The following GRID2 variants were observed in gnomAD, a reference collection of about 807,000 sequenced individuals.
GRID2 encodes glutamate ionotropic receptor delta type subunit 2.
In GRID2, 33 loss-of-function variants were observed where a neutral mutation model predicts 114.8. The ratio of observed to expected loss-of-function variants is 0.29; its 90% CI spans 0.22 to 0.38. The LOEUF (loss-of-function observed/expected upper bound fraction) is 0.38. Among genes scored for constraint, GRID2 ranks in the 10% least tolerant of loss-of-function variants. The pLI is 1.00. For synonymous variants in GRID2, 505 were observed against 449.9 expected, an observed-to-expected ratio of 1.12 and a Z score of -1.55; for missense variants, 1,184 against 1,257.7, an observed-to-expected ratio of 0.94 and a Z score of 0.89.
intron 8 of GRID2, among the ~76,000 whole-genome samples, chr4:93,375,500 C>G (rs192063673): frequency 6.6e-6 from 1 of 152,004 alleles, no homozygotes; most frequent in Non-Finnish European, 1.5e-5. Flanking sequence ...TGTGAGCCAC[C>G]GCGCCTGGCC....
intron 2 of GRID2, among the ~76,000 whole-genome samples, chr4:92,682,148 A>T (rs972187730): frequency 6.6e-6 from 1 of 152,114 alleles, no homozygotes; most frequent in Admixed American, 6.6e-5. Context: ...AGATAGAATC[A>T]TTTTAAGGGA....
chr4:93,516,295 G>A (rs1560704161), intron 13 of GRID2, among the ~76,000 whole-genome samples: 1 of 152,056 alleles, frequency 6.6e-6, no homozygotes, highest in African/African-American at 2.4e-5. Context: ...ATATTTTGAT[G>A]ACTATAAAAA....
intron 9 of GRID2, among the ~76,000 whole-genome samples, chr4:93,404,070 T>G (rs975476263): frequency 6.6e-6 from 1 of 152,098 alleles, no homozygotes; most frequent in Non-Finnish European, 1.5e-5. Flanking sequence ...TTGATAACAG[T>G]GTGCAGCATG....
At chr4:92,459,196 T>C (rs1721358277) in intron 1 of GRID2, among the ~76,000 whole-genome samples, 1 of 152,178 alleles carries the variant, frequency 6.6e-6, no homozygotes, top group African/African-American at 2.4e-5. Flanking sequence ...AGTATGAAGA[T>C]CATTGTGATG....
At chr4:92,997,359 C>T (rs774250383) in intron 2 of GRID2, among the ~76,000 whole-genome samples, 1 of 152,152 alleles carries the variant, frequency 6.6e-6, no homozygotes, top group Non-Finnish European at 1.5e-5. Flanking sequence ...CTAAGACTCT[C>T]TCTAAGTCTG....
At chr4:93,736,897 A>G (rs2110240416) in intron 14 of GRID2, among the ~76,000 whole-genome samples, 1 of 151,950 alleles carries the variant, frequency 6.6e-6, no homozygotes, top group African/African-American at 2.4e-5. Flanking sequence ...AATGAGCCCA[A>G]AACCTGAGGT....
At chr4:93,183,544 A>C (rs1355289696) in intron 4 of GRID2, among the ~76,000 whole-genome samples, 1 of 152,202 alleles carries the variant, frequency 6.6e-6, no homozygotes, top group Non-Finnish European at 1.5e-5. Context: ...CAACTGATAC[A>C]TTCATTCAAA....
chr4:92,541,795 A>T (rs1725976653), intron 1 of GRID2, among the ~76,000 whole-genome samples: 1 of 152,124 alleles, frequency 6.6e-6, no homozygotes, highest in African/African-American at 2.4e-5. Context: ...TGGAAAAAAA[A>T]AATCTTAATT....
At chr4:93,536,852 G>A (rs1012072809) in intron 13 of GRID2, among the ~76,000 whole-genome samples, 2 of 151,558 alleles carry the variant, frequency 1.3e-5, no homozygotes, top group Non-Finnish European at 3.0e-5. Flanking sequence ...AAAGTTTTTT[G>A]ATAAAATTTT....
At position 93,661,866 on chromosome 4, in the gene GRID2, A is replaced by G. The variant is rs143004073; in HGVS notation, c.2360+35431A>G. On this transcript the variant is annotated intron_variant, in intron 14 of 15. Coordinates refer to ENST00000282020, the MANE Select transcript of GRID2 (RefSeq NM_001510.4). ...GTTCTTATTATATAAACCGTAAGTG[A>G]GATCATGGCTCGGTTCTCCTCAGAG... Among the ~76,000 whole-genome samples, 18 of 152,292 alleles carry G rather than the reference A, an allele frequency of 1.2e-4. No individual in the cohort carries two copies. In the East Asian group the frequency reaches 3.3e-3, roughly 28 times the overall value.
chr4:93,724,756 A>G (rs1029258348), intron 14 of GRID2, among the ~76,000 whole-genome samples: 11 of 152,026 alleles, frequency 7.2e-5, no homozygotes, highest in African/African-American at 2.7e-4. Context: ...AGAGGTCCTC[A>G]CTGCACCATG....
intron 2 of GRID2, among the ~76,000 whole-genome samples, chr4:92,977,348 C>T (rs1342432942): frequency 6.6e-6 from 1 of 152,032 alleles, no homozygotes; most frequent in Non-Finnish European, 1.5e-5. Flanking sequence ...GTACATTCTA[C>T]ATCAAAGGAA....
chr4:92,977,050 C>A (rs1458509213), intron 2 of GRID2, among the ~76,000 whole-genome samples: 1 of 152,062 alleles, frequency 6.6e-6, no homozygotes, highest in African/African-American at 2.4e-5. Flanking sequence ...AACAATCAAT[C>A]AGTAAATATT....
At chr4:92,744,487 CAAAA>C (rs34643860) in intron 2 of GRID2, among the ~76,000 whole-genome samples, 1 of 85,450 alleles carries the variant, frequency 1.2e-5, no homozygotes, top group Non-Finnish European at 2.5e-5. Flanking sequence ...TCCTCCATCT[CAAAA>C]AAAAAAAAAA....
intron 2 of GRID2, among the ~76,000 whole-genome samples, chr4:92,619,770 C>CTTTGTTTTT (rs1553908375): frequency 2.0e-5 from 3 of 151,470 alleles, no homozygotes; most frequent in African/African-American, 7.3e-5. Context: ...TGTTGTATGT[C>CTTTGTTTTT]TTTGTTTTTT....
At chr4:92,644,018 C>A (rs2149255939) in intron 2 of GRID2, among the ~76,000 whole-genome samples, 1 of 151,638 alleles carries the variant, frequency 6.6e-6, no homozygotes, top group East Asian at 1.9e-4. Context: ...ATTTACATTG[C>A]AAGTAGAGAT....
At chr4:92,801,222 C>G (rs1003580223) in intron 2 of GRID2, among the ~76,000 whole-genome samples, 1 of 151,968 alleles carries the variant, frequency 6.6e-6, no homozygotes, top group African/African-American at 2.4e-5. Context: ...AGAAGTTCCT[C>G]CCAAGGAATC....
intron 2 of GRID2, among the ~76,000 whole-genome samples, chr4:92,834,952 A>T (rs1458654418): frequency 6.6e-6 from 1 of 152,118 alleles, no homozygotes; most frequent in Non-Finnish European, 1.5e-5. Flanking sequence ...GAAATGTATG[A>T]TGAGACCCTG....
intron 8 of GRID2, among the ~76,000 whole-genome samples, chr4:93,263,732 T>C (rs1750501458): frequency 1.3e-5 from 2 of 152,084 alleles, no homozygotes; most frequent in South Asian, 4.1e-4. Context: ...TGTCATTCTT[T>C]AGGGGTTAGA....
Sources: allele counts gnomAD v4.1 joint callset (sites outside exome capture counted in the v4.1 genomes callset), GRCh38; gene constraint gnomAD v4.1.1; transcripts MANE v1.5; gene names NCBI Gene and HGNC (gene_info 2026-07-23, HGNC 2026-07-21).